Variants in ANKS1A observed in about 807,000 individuals in gnomAD.
ANKS1A encodes the protein ankyrin repeat and SAM domain-containing protein 1A.
In ANKS1A, 55 loss-of-function variants were observed where a neutral mutation model predicts 120.3. The observed-to-expected ratio is 0.46, with a 90% CI of 0.37 to 0.57. The LOEUF (loss-of-function observed/expected upper bound fraction) is 0.57, where lower values mean the gene tolerates loss of function less well. Ranked by LOEUF, ANKS1A falls within the 20% of genes least tolerant of loss-of-function variation. The pLI is 0.00. For missense variants in ANKS1A, 1,123 were observed against 1,480.3 expected (o/e 0.76, Z 3.96); for synonymous variants, 590 against 604.7 (o/e 0.98, Z 0.36).
intron 10 of ANKS1A, among the ~76,000 whole-genome samples, chr6:35,017,232 G>A (rs982605527): frequency 6.6e-6 from 1 of 152,068 alleles, no homozygotes; most frequent in African/African-American, 2.4e-5. Flanking sequence ...CATTAATCAG[G>A]CCAGTGTTTG....
chr6:34,956,774 A>G (rs552849609), intron 1 of ANKS1A, among the ~76,000 whole-genome samples: 2 of 152,222 alleles, frequency 1.3e-5, no homozygotes, highest in Admixed American at 6.5e-5. Flanking sequence ...TCCTTCCCCT[A>G]CCTTCTACTG....
chr6:35,086,062 T>C lies in ANKS1A; in HGVS notation c.3303+126T>C. ...AGCTGGCCCTCCAGGGAAATGACCC[T>C]CTTAATTGTCCCCCAACCCTGCCAG... On this transcript the variant is annotated intron_variant, in intron 22 of 23. Coordinates refer to ENST00000360359, the MANE Select transcript of ANKS1A (RefSeq NM_015245.3). The surrounding 1 kb of genome is among the most constrained non-coding windows in gnomAD (Gnocchi z 5.1). 1 of 1,349,956 alleles carries C rather than the reference T, an allele frequency of 7.4e-7. No individual in the cohort carries two copies. Among genetic ancestry groups the C allele is most frequent in the Non-Finnish European group, 9.8e-7 (1 of 1,018,546 alleles). 83.6% of individuals were successfully genotyped at this position (1,349,956 alleles called of 1,614,324 possible). A position where few individuals can be genotyped will look rare whatever the true frequency, so the allele number is the denominator to read the frequency against.
chr6:35,049,680 A>T (rs1775878142), intron 11 of ANKS1A, among the ~76,000 whole-genome samples: 1 of 152,230 alleles, frequency 6.6e-6, no homozygotes, highest in Non-Finnish European at 1.5e-5. Flanking sequence ...CAACTCAGTT[A>T]TAGAAACTTC....
intron 10 of ANKS1A, among the ~76,000 whole-genome samples, chr6:35,011,779 A>G (rs1773770802): frequency 1.3e-5 from 2 of 152,218 alleles, no homozygotes. Flanking sequence ...TAGCATGATG[A>G]GCTAAGAGTT....
chr6:35,037,516 C>G (rs552690588), intron 11 of ANKS1A, among the ~76,000 whole-genome samples: 4 of 152,308 alleles, frequency 2.6e-5, no homozygotes, highest in African/African-American at 9.6e-5. Context: ...GGATTTGTTA[C>G]CCAGCAGGTT....
In ANKS1A at chr6:35,065,530, C is replaced by T. The variant is rs535838439; in HGVS notation, c.2184+5277C>T. On this transcript the variant is annotated intron_variant, in intron 13 of 23. Coordinates refer to ENST00000360359, the MANE Select transcript of ANKS1A (RefSeq NM_015245.3). ...ACTCACTCAGCCAAACCCCGCATTGCGGGCTCTCAGTACGGTAATGTGCCC... is the reference window on the plus strand; with the variant it reads ...ACTCACTCAGCCAAACCCCGCATTGTGGGCTCTCAGTACGGTAATGTGCCC... Among the ~76,000 whole-genome samples the T allele has an allele frequency of 2.6e-5, 4 of 152,370 alleles. No individual in the cohort carries two copies. In the East Asian group the frequency reaches 5.8e-4, roughly 22 times the overall value.
chr6:35,084,023 C>A lies in ANKS1A; in HGVS notation c.2995-98C>A. On this transcript the variant is annotated intron_variant, in intron 20 of 23. Transcript: ENST00000360359. This position sits in a 1 kb window ranked among gnomAD's most constrained non-coding sequence, Gnocchi z 4.8. The stretch of plus-strand genomic sequence containing the variant: ...AGGGGGGTTTGCTTGATGCTCTAGG[C>A]TGGGACAGAGAACAGTGACAATGGT... 5 of 1,541,300 alleles carry A rather than the reference C, an allele frequency of 3.2e-6. No homozygotes were observed. The South Asian group carries it at 6.1e-5, about 19-fold the overall frequency.
At chr6:35,039,807 T>C (rs1775366209) in intron 11 of ANKS1A, 7 of 306,502 alleles carry the variant, frequency 2.3e-5, no homozygotes, top group South Asian at 2.0e-4. Flanking sequence ...AAGCTCAGGC[T>C]TCTGTAACAA....
intron 1 of ANKS1A, among the ~76,000 whole-genome samples, chr6:34,898,377 A>G (rs1334768367): frequency 1.3e-5 from 2 of 152,236 alleles, no homozygotes; most frequent in East Asian, 3.9e-4. Flanking sequence ...TGCTGACTCA[A>G]TATTGTATAT....
Position 35,090,942 on chromosome 6 carries a change from T to A in ANKS1A, c.*2333T>A, listed in dbSNP as rs893898145. The A allele has an allele frequency of 5.1e-6, 5 of 985,594 alleles. No individual in the cohort carries two copies. The African/African-American group carries it at 5.2e-5, about 10-fold the overall frequency. 61.1% of individuals were successfully genotyped at this position (985,594 alleles called of 1,614,324 possible). A position where few individuals can be genotyped will look rare whatever the true frequency, so the allele number is the denominator to read the frequency against. ...CGTGTGCAGCTCTCTGCGTCCCTCC[T>A]GGGCCCTCCAGCGTCAGACACTAAT... On this transcript the variant is annotated 3_prime_UTR_variant, in exon 24 of 24. Transcript: ENST00000360359.
chr6:34,930,161 A>G (rs1435737142), intron 1 of ANKS1A, among the ~76,000 whole-genome samples: 1 of 152,062 alleles, frequency 6.6e-6, no homozygotes, highest in African/African-American at 2.4e-5. Flanking sequence ...ATCTAATGGG[A>G]TCATCTCCCA....
intron 1 of ANKS1A, among the ~76,000 whole-genome samples, chr6:34,955,635 C>T (rs1770326984): frequency 6.6e-6 from 1 of 152,094 alleles, no homozygotes; most frequent in African/African-American, 2.4e-5. Flanking sequence ...TTCCCTTCAC[C>T]CCGTTTCCTG....
Position 35,078,650 on chromosome 6 carries a change from A to C in ANKS1A, c.2277A>C (p.Leu759=). 6.2e-7 allele frequency: 1 copy of C among 1,601,474 alleles called. No homozygotes were observed. The highest frequency in any genetic ancestry group is 1.7e-5 in the Admixed American group (1 of 60,008). Residue 759 remains leucine (L), a synonymous_variant, in exon 14 of 24, where the codon CTA becomes CTC. Transcript: ENST00000360359. ...RRKLLQAARS[L]PKVKALGYDG... is the part of the protein sequence containing the mutation. ...AGCTGCTCCAGGCGGCACGCTCCCT[A>C]CCCAAGGTGACCATCGCCGGCCCTG...
At chr6:35,007,226 A>T (rs751235933) in intron 10 of ANKS1A, among the ~76,000 whole-genome samples, 12 of 152,160 alleles carry the variant, frequency 7.9e-5, no homozygotes, top group Non-Finnish European at 1.6e-4. Context: ...TGTACTATGC[A>T]GGACAGTCCT....
Position 34,908,743 on chromosome 6 carries a change from C to T in ANKS1A, c.197+19144C>T, listed in dbSNP as rs541123138. Among the ~76,000 whole-genome samples, 284 of 152,214 alleles carry T rather than the reference C, an allele frequency of 1.9e-3. 1 individual carries two copies. Among genetic ancestry groups the T allele is most frequent in the African/African-American group, 6.4e-3 (266 of 41,528 alleles). ...CTGCCTACTGCTGGTGCTTGGTGTA[C>T]GAATGCATTTGCTGACCCTTTACAA... On this transcript the variant is annotated intron_variant, in intron 1 of 23. Coordinates refer to ENST00000360359, the MANE Select transcript of ANKS1A (RefSeq NM_015245.3).
rs1778194934 is a variant in ANKS1A, at chr6:35,089,651, G to T, written c.*1042G>T. On this transcript the variant is annotated 3_prime_UTR_variant, in exon 24 of 24. Transcript: ENST00000360359. ...GTGGAAAAGGCTAAATAAGGTGACA[G>T]TGCATCGATGCTCCCCCGCGTGGCC... is the stretch of plus-strand genomic sequence containing the variant. 1.1e-5 allele frequency: 11 copies of T among 989,000 alleles called. No individual in the cohort carries two copies. The South Asian group carries it at 4.2e-4, about 38-fold the overall frequency. 61.3% of individuals were successfully genotyped at this position (989,000 alleles called of 1,614,324 possible). A position where few individuals can be genotyped will look rare whatever the true frequency, so the allele number is the denominator to read the frequency against.
intron 10 of ANKS1A, among the ~76,000 whole-genome samples, chr6:34,998,898 G>A (rs548600703): frequency 8.3e-4 from 126 of 152,212 alleles, no homozygotes; most frequent in Non-Finnish European, 1.6e-3. Context: ...CTCCTTAGGC[G>A]ACTTTAGCCT....
Position 35,085,630 on chromosome 6 carries a change from G to C in ANKS1A, c.3133-136G>C. The C allele has an allele frequency of 8.8e-6, 7 of 799,788 alleles. No individual in the cohort carries two copies. The highest frequency in any genetic ancestry group is 1.3e-5 in the Non-Finnish European group (7 of 531,052). The allele number at this position is 799,788 out of a possible 1,614,324, so 49.5% of individuals were successfully genotyped here. ...CCTAGGAAGAGTAAAGGAGGGAAAG[G>C]AGGGAAGAGTGGAAGGAGGTAGGAG... is the stretch of plus-strand genomic sequence containing the variant. On this transcript the variant is annotated intron_variant, in intron 21 of 23. Coordinates refer to ENST00000360359, the MANE Select transcript of ANKS1A (RefSeq NM_015245.3). The surrounding 1 kb of genome is among the most constrained non-coding windows in gnomAD (Gnocchi z 4.7).
rs1014140890 is a variant in ANKS1A at position 35,050,316 on chromosome 6, C to T, written c.2011-3783C>T. Among the ~76,000 whole-genome samples the T allele has an allele frequency of 6.6e-6, 1 of 152,100 alleles. No individual in the cohort carries two copies. Among genetic ancestry groups the T allele is most frequent in the South Asian group, 2.1e-4 (1 of 4,820 alleles). On this transcript the variant is annotated intron_variant, in intron 11 of 23. Coordinates refer to ENST00000360359, the MANE Select transcript of ANKS1A (RefSeq NM_015245.3). This position sits in a 1 kb window ranked among gnomAD's most constrained non-coding sequence, Gnocchi z 4.3. ...TTTCAAGTCCTTATATTAACAAACACGAGTATAAGTTTTCAGTCAGTTCAC... is the reference window on the plus strand; with the variant it reads ...TTTCAAGTCCTTATATTAACAAACATGAGTATAAGTTTTCAGTCAGTTCAC...
Sources: allele counts gnomAD v4.1 joint callset (sites outside exome capture counted in the v4.1 genomes callset), GRCh38; gene constraint gnomAD v4.1.1; non-coding constraint Gnocchi (gnomAD v3.1); transcripts MANE v1.5; gene names NCBI Gene and HGNC (gene_info 2026-07-23, HGNC 2026-07-21).